The following IL5RA variants were observed in gnomAD, a reference collection of about 807,000 sequenced individuals.
IL5RA encodes interleukin 5 receptor subunit alpha, also known as interleukin-5 receptor subunit alpha.
IL5RA carries 49 observed loss-of-function variants against 50.0 expected under a neutral mutation model. The ratio of observed to expected loss-of-function variants is 0.98; its 90% CI spans 0.78 to 1.24. The LOEUF is 1.24. Ranked by LOEUF, IL5RA falls within the 50% of genes most tolerant of loss-of-function variation. The pLI, the probability that IL5RA is intolerant of heterozygous loss-of-function variation, is 0.00. For missense variants in IL5RA, 600 were observed against 500.4 expected, an observed-to-expected ratio of 1.20 and a Z score of -1.90; for synonymous variants, 202 against 174.0, an observed-to-expected ratio of 1.16 and a Z score of -1.26.
chr3:3,078,122 C>T (rs1292749888), intron 9 of IL5RA, among the ~76,000 whole-genome samples: 1 of 152,190 alleles, frequency 6.6e-6, no homozygotes, highest in African/African-American at 2.4e-5. Flanking sequence ...GTGCTAAATA[C>T]TGTGGTGAGA....
intron 9 of IL5RA, among the ~76,000 whole-genome samples, chr3:3,081,782 T>C (rs562853150): frequency 6.6e-6 from 1 of 152,328 alleles, no homozygotes; most frequent in African/African-American, 2.4e-5. Context: ...AAGTTATTGA[T>C]GCATACAAGG....
Position 3,092,329 on chromosome 3 carries a change from T to G in IL5RA, c.889A>C (p.Ile297Leu). 1 of 1,613,834 alleles carries G rather than the reference T, an allele frequency of 6.2e-7. No homozygotes were observed. The highest frequency in any genetic ancestry group is 1.3e-5 in the African/African-American group (1 of 75,048). The change falls in exon 9 of 12, where the codon ATA becomes CTA. Residue 297 changes from isoleucine to leucine, a missense_variant. Coordinates refer to ENST00000446632, the MANE Select transcript of IL5RA (RefSeq NM_175726.4). The surrounding 1 kb of genome is among the most constrained non-coding windows in gnomAD (Gnocchi z 4.2). ...EKLMTNAFIS[I>L]IDDLSKYDVQ... ...TCGTACTTAGAAAGATCATCAATTA[T>G]TGAGATGAATGCATTGGTCATCAAT... is the stretch of plus-strand genomic sequence containing the variant.
intron 3 of IL5RA, among the ~76,000 whole-genome samples, chr3:3,104,205 A>G (rs935100946): frequency 6.6e-6 from 1 of 152,054 alleles, no homozygotes; most frequent in African/African-American, 2.4e-5. Context: ...ACACCTGGCT[A>G]TTTTTGAATT....
intron 10 of IL5RA, among the ~76,000 whole-genome samples, chr3:3,075,203 CTTTTT>C (rs10642608): frequency 8.6e-5 from 6 of 69,972 alleles, no homozygotes; most frequent in South Asian, 1.2e-3. Context: ...AGTTTACTTA[CTTTTT>C]TTTTTTTTTT....
chr3:3,090,137 G>A, intron 9 of IL5RA: 1 of 1,455,274 alleles, frequency 6.9e-7, no homozygotes, highest in Non-Finnish European at 9.6e-7. Context: ...TTAGCATAGT[G>A]CTTGGCAAAA....
chr3:3,092,602 C>T lies in IL5RA; in HGVS notation c.856-240G>A, dbSNP rs150484753. On this transcript the variant is annotated intron_variant, in intron 8 of 11. Coordinates refer to ENST00000446632, the MANE Select transcript of IL5RA (RefSeq NM_175726.4). The surrounding 1 kb of genome is among the most constrained non-coding windows in gnomAD (Gnocchi z 4.2). ...ATACGAAATGATCAACGGTCAAGAT[C>T]CAGGTGTTCCTATCCAGGCCCAGCT... is the stretch of plus-strand genomic sequence containing the variant. Among the ~76,000 whole-genome samples the T allele has an allele frequency of 2.6e-4, 40 of 152,308 alleles. No homozygotes were observed. Among genetic ancestry groups the T allele is most frequent in the Middle Eastern group, 3.4e-3 (1 of 294 alleles).
At chr3:3,091,054 A>G (rs1703076964) in intron 9 of IL5RA, among the ~76,000 whole-genome samples, 1 of 152,160 alleles carries the variant, frequency 6.6e-6, no homozygotes, top group African/African-American at 2.4e-5. Context: ...TGCCAAGCAA[A>G]CTAGTCCATT....
chr3:3,086,539 T>A (rs572769098), intron 9 of IL5RA, among the ~76,000 whole-genome samples: 1 of 151,876 alleles, frequency 6.6e-6, no homozygotes, highest in African/African-American at 2.4e-5. Flanking sequence ...AAAATGAAAC[T>A]GCTACTTCCA....
chr3:3,096,344 C>G (rs1703368536), intron 7 of IL5RA, among the ~76,000 whole-genome samples: 1 of 150,732 alleles, frequency 6.6e-6, no homozygotes, highest in Non-Finnish European at 1.5e-5. Context: ...TTACTTAGGA[C>G]TCTAATGTCC....
chr3:3,105,592 G>A (rs1052468778), intron 2 of IL5RA: 1 of 150,384 alleles, frequency 6.6e-6, no homozygotes, highest in South Asian at 2.1e-4. Context: ...TTTGAAGAGT[G>A]TTTTTTTTGT....
In IL5RA at chr3:3,098,262, T is replaced by C; in HGVS notation, c.396A>G (p.Leu132=). 6.2e-7 allele frequency: 1 copy of C among 1,614,108 alleles called. No individual in the cohort carries two copies. Among genetic ancestry groups the C allele is most frequent in the Non-Finnish European group, 8.5e-7 (1 of 1,179,952 alleles). The change falls in exon 6 of 12, where the codon TTA becomes TTG. Residue 132 remains leucine (L), a synonymous_variant. Transcript: ENST00000446632. ...PGSPGTSIVN[L]TCTTNTTEDN... is the part of the protein sequence containing the mutation. ...CTTCTGTAGTGTTTGTGGTGCAAGT[T>C]AAATTCACAATTGAGGTTCCAGGAG...
At chr3:3,106,116 G>C (rs571636968) in intron 2 of IL5RA, among the ~76,000 whole-genome samples, 1 of 152,276 alleles carries the variant, frequency 6.6e-6, no homozygotes, top group African/African-American at 2.4e-5. Flanking sequence ...ATCTGCCAAA[G>C]ATCAAACAGC....
intron 9 of IL5RA, among the ~76,000 whole-genome samples, chr3:3,086,572 G>A (rs1702871183): frequency 6.6e-6 from 1 of 151,892 alleles, no homozygotes; most frequent in African/African-American, 2.4e-5. Context: ...TCCCAGCCCA[G>A]CTATAGTCCC....
chr3:3,080,862 T>C (rs1702639684), intron 9 of IL5RA, among the ~76,000 whole-genome samples: 1 of 152,126 alleles, frequency 6.6e-6, no homozygotes, highest in East Asian at 1.9e-4. Flanking sequence ...GCCTAGCTAA[T>C]TTTTAAAATC....
chr3:3,106,663 A>C (rs1475571809), intron 2 of IL5RA, among the ~76,000 whole-genome samples: 1 of 152,200 alleles, frequency 6.6e-6, no homozygotes, highest in East Asian at 1.9e-4. Flanking sequence ...AAACACTAGT[A>C]ATCTACTAAG....
At chr3:3,084,964 G>A (rs1329671061) in intron 9 of IL5RA, among the ~76,000 whole-genome samples, 1 of 152,252 alleles carries the variant, frequency 6.6e-6, no homozygotes, top group Admixed American at 6.5e-5. Flanking sequence ...GGCACCAATA[G>A]AGGTGGCTGC....
intron 9 of IL5RA, among the ~76,000 whole-genome samples, chr3:3,078,834 CAAA>C (rs371826442): frequency 0.37 from 50,110 of 135,638 alleles, 10,504 homozygotes; most frequent in African/African-American, 0.62. Context: ...GACTCCGTCT[CAAA>C]AAAAAAAAAA....
rs1703196907 is a variant in IL5RA, at chr3:3,092,993, G to GC, written c.856-632dup. Among the ~76,000 whole-genome samples, 1 of 151,804 alleles carries GC rather than the reference G, an allele frequency of 6.6e-6. No homozygotes were observed. The highest frequency in any genetic ancestry group is 2.1e-4 in the South Asian group (1 of 4,796). On this transcript the variant is annotated intron_variant, in intron 8 of 11. Coordinates refer to ENST00000446632, the MANE Select transcript of IL5RA (RefSeq NM_175726.4). The surrounding 1 kb of genome is among the most constrained non-coding windows in gnomAD (Gnocchi z 4.2). ...CTAACTGATATCATATGTCCATGTCGCCCCTCCCCACTCACATCCAGTTTT... is the reference window on the plus strand; with the variant it reads ...CTAACTGATATCATATGTCCATGTCGCCCCCTCCCCACTCACATCCAGTTTT...
chr3:3,101,972 A>G, intron 4 of IL5RA, 142 bp from the exon 5 acceptor site: 1 of 726,498 alleles, frequency 1.4e-6, no homozygotes, highest in Non-Finnish European at 2.2e-6. Flanking sequence ...AAAAGTCAAA[A>G]CAAAACCATT....
Sources: gnomAD v4.1 joint callset for allele counts (sites outside exome capture counted in the v4.1 genomes callset) on GRCh38, gnomAD v4.1.1 for gene constraint, Gnocchi (gnomAD v3.1) non-coding constraint, MANE v1.5 for transcripts, NCBI Gene and HGNC (gene_info 2026-07-23, HGNC 2026-07-21) for gene names.